Variants in TRERF1 observed in about 807,000 individuals in gnomAD.
TRERF1 encodes transcriptional regulating factor 1.
A neutral mutation model predicts 122.9 loss-of-function variants in TRERF1; 27 were observed. The ratio of observed to expected loss-of-function variants is 0.22; its 90% CI spans 0.16 to 0.30. The LOEUF (loss-of-function observed/expected upper bound fraction) is 0.30. TRERF1 is among the 10% of genes least tolerant of loss of function. The probability of loss-of-function intolerance (pLI) is 1.00; values close to 1 mark genes in which losing one functional copy is unlikely to be tolerated. For missense variants in TRERF1, 1,248 were observed against 1,560.3 expected (o/e 0.80, Z 3.37); for synonymous variants, 636 against 641.7 (o/e 0.99, Z 0.13).
intron 2 of TRERF1, among the ~76,000 whole-genome samples, chr6:42,449,190 T>G (rs1289639279): frequency 6.6e-6 from 1 of 152,244 alleles, no homozygotes; most frequent in East Asian, 1.9e-4. Flanking sequence ...CTTACCAAGC[T>G]GTGAAAAGAC....
At chr6:42,364,976 G>C (rs921170977) in intron 2 of TRERF1, among the ~76,000 whole-genome samples, 1 of 152,152 alleles carries the variant, frequency 6.6e-6, no homozygotes. Flanking sequence ...CTTTCTCTGA[G>C]TGCAAGGAAA....
chr6:42,333,647 C>T (rs1184926659), intron 3 of TRERF1, among the ~76,000 whole-genome samples: 5 of 152,206 alleles, frequency 3.3e-5, no homozygotes. Context: ...GGGACTGCCC[C>T]CCATTCCAAC....
intron 2 of TRERF1, among the ~76,000 whole-genome samples, chr6:42,372,800 C>T (rs922069709): frequency 2.0e-5 from 3 of 152,174 alleles, no homozygotes; most frequent in African/African-American, 7.2e-5. Context: ...AGTAGGAAGA[C>T]CATCCCAAGC....
In TRERF1 at chr6:42,268,201, T is replaced by C. The variant is rs747623350; in HGVS notation, c.1390A>G (p.Met464Val). ...GACAGCTGCTGATGCTGAGGCCCCATGTTGTTGAGGTGGATCCCACTGGGG... is the reference window on the plus strand; with the variant it reads ...GACAGCTGCTGATGCTGAGGCCCCACGTTGTTGAGGTGGATCCCACTGGGG... The change falls in exon 5 of 18, where the codon ATG becomes GTG. Residue 464 changes from methionine to valine, a missense_variant. Met to Val is a conservative substitution (Grantham distance 21). This residue lies in a region of TRERF1 where 946 missense variants were observed against 1,073.0 expected (regional missense o/e 0.88). Coordinates refer to ENST00000372922, the Ensembl canonical transcript of TRERF1. The surrounding 1 kb of genome is among the most constrained non-coding windows in gnomAD (Gnocchi z 4.4). 1.1e-5 allele frequency: 16 copies of C among 1,463,208 alleles called. 1 individual carries two copies. Among genetic ancestry groups the C allele is most frequent in the Admixed American group, 2.5e-5 (1 of 39,408 alleles). 90.6% of individuals were successfully genotyped at this position (1,463,208 alleles called of 1,614,324 possible).
At chr6:42,292,572 C>G (rs562705578) in intron 4 of TRERF1, among the ~76,000 whole-genome samples, 55 of 152,096 alleles carry the variant, frequency 3.6e-4, no homozygotes, top group African/African-American at 9.9e-4. Flanking sequence ...GAGAGAGAGG[C>G]CTACAAGTCT....
At chr6:42,305,920 G>A (rs1787123972) in intron 3 of TRERF1, among the ~76,000 whole-genome samples, 1 of 150,074 alleles carries the variant, frequency 6.7e-6, no homozygotes, top group African/African-American at 2.4e-5. Context: ...GCCAGAAGGA[G>A]ATGTAATTTT....
In TRERF1 at chr6:42,259,593, T is replaced by C. The variant is rs752427096; in HGVS notation, c.2015A>G (p.Asn672Ser). 3 of 1,613,412 alleles carry C rather than the reference T, an allele frequency of 1.9e-6. No individual in the cohort carries two copies. Among genetic ancestry groups the C allele is most frequent in the South Asian group, 1.1e-5 (1 of 91,054 alleles). Reference sequence around the variant, plus strand: ...GGCGCCCGAGTAGGAGGCAGCGGGGTTCGGGTTGTAGGAGGGCGGCGGCGG... The same window carrying C: ...GGCGCCCGAGTAGGAGGCAGCGGGGCTCGGGTTGTAGGAGGGCGGCGGCGG... The change falls in exon 9 of 18, where the codon AAC (asparagine) becomes AGC (serine). Residue 672 changes from asparagine (N) to serine (S), a missense_variant. This residue lies in a region of TRERF1 where 946 missense variants were observed against 1,073.0 expected (regional missense o/e 0.88). Transcript: ENST00000372922. The surrounding 1 kb of genome is among the most constrained non-coding windows in gnomAD (Gnocchi z 4.9).
intron 2 of TRERF1, among the ~76,000 whole-genome samples, chr6:42,439,515 C>T (rs1202834149): frequency 2.0e-5 from 3 of 152,220 alleles, no homozygotes; most frequent in South Asian, 2.1e-4. Context: ...ACCTGGGAGG[C>T]GGAGGTTGCA....
chr6:42,244,753 G>A (rs1774437222), intron 14 of TRERF1, among the ~76,000 whole-genome samples: 1 of 152,200 alleles, frequency 6.6e-6, no homozygotes, highest in African/African-American at 2.4e-5. Flanking sequence ...TAATGGAATA[G>A]GAATATAAGG....
intron 3 of TRERF1, among the ~76,000 whole-genome samples, chr6:42,358,530 G>A (rs1771041837): frequency 6.6e-6 from 1 of 152,238 alleles, no homozygotes; most frequent in Admixed American, 6.5e-5. Context: ...CAAATGCGGG[G>A]CAGTGCCCAC....
intron 13 of TRERF1, among the ~76,000 whole-genome samples, chr6:42,248,794 G>A (rs909544569): frequency 6.6e-6 from 1 of 152,184 alleles, no homozygotes; most frequent in Non-Finnish European, 1.5e-5. Context: ...GGGGGGCTGG[G>A]GGTTTGGAGA....
At chr6:42,233,057 A>AT in intron 16 of TRERF1, 129 bp from the exon 17 acceptor site, 1 of 967,676 alleles carries the variant, frequency 1.0e-6, no homozygotes, top group Non-Finnish European at 1.5e-6. Context: ...TAAAGATCAA[A>AT]TACCACAACC....
rs1485217968 is a variant in TRERF1, at chr6:42,228,419, C to T, written c.3529G>A (p.Ala1177Thr). Residue 1177 changes from alanine (A) to threonine (T), a missense_variant, in exon 18 of 18, where the codon GCT becomes ACT. This residue lies in a region of TRERF1 where 84 missense variants were observed against 116.0 expected (regional missense o/e 0.72). Transcript: ENST00000372922. The surrounding 1 kb of genome is among the most constrained non-coding windows in gnomAD (Gnocchi z 4.2). ...AGAAGATCGGTGTCCACAACTTCAG[C>T]CTCTTCCATGACACCTCCCAACTGC... 1.9e-6 allele frequency: 3 copies of T among 1,614,206 alleles called. No homozygotes were observed. The highest frequency in any genetic ancestry group is 1.1e-5 in the South Asian group (1 of 91,088).
At position 42,260,614 on chromosome 6, in the gene TRERF1, T is replaced by C. The variant is rs533824157; in HGVS notation, c.1885-891A>G. Among the ~76,000 whole-genome samples the C allele has an allele frequency of 1.1e-3, 167 of 152,066 alleles. 1 individual carries two copies. The highest frequency in any genetic ancestry group is 3.8e-3 in the African/African-American group (156 of 41,478). On this transcript the variant is annotated intron_variant, in intron 8 of 17. Transcript: ENST00000372922. ...GGGTGTGGCTGCAGAGGCAGTGTGGTTGGGAGGGGCCACGGGGATACCTGA... is the reference window on the plus strand; with the variant it reads ...GGGTGTGGCTGCAGAGGCAGTGTGGCTGGGAGGGGCCACGGGGATACCTGA...
At chr6:42,424,793 G>T (rs1044302536) in intron 2 of TRERF1, among the ~76,000 whole-genome samples, 2 of 152,192 alleles carry the variant, frequency 1.3e-5, no homozygotes, top group Admixed American at 6.5e-5. Context: ...CATAAAAAGA[G>T]ATCCTCTCCC....
chr6:42,399,285 A>G (rs942835832), intron 2 of TRERF1, among the ~76,000 whole-genome samples: 6 of 152,206 alleles, frequency 3.9e-5, no homozygotes, highest in African/African-American at 1.2e-4. Context: ...TAGTCAAATT[A>G]TAGTAATGAG....
chr6:42,243,295 C>T (rs1163293104), exon 15 of TRERF1: 1 of 1,614,068 alleles, frequency 6.2e-7, no homozygotes, highest in Non-Finnish European at 8.5e-7. Context: ...TGTTTCCGCC[C>T]CAGCCGCATG....
chr6:42,290,740 C>T (rs12199356), intron 4 of TRERF1, among the ~76,000 whole-genome samples: 14,265 of 118,596 alleles, frequency 0.12, 1,290 homozygotes, highest in East Asian at 0.37. Flanking sequence ...CCATTTCTTT[C>T]CTTTTTTTTT....
rs1554124320 is a variant in TRERF1 at position 42,238,870 on chromosome 6, C to CACACAA, written c.2860-2460_2860-2459insTTGTGT. Among the ~76,000 whole-genome samples, 1,479 of 148,932 alleles carry CACACAA rather than the reference C, an allele frequency of 9.9e-3. 24 individuals carry two copies. Among genetic ancestry groups the CACACAA allele is most frequent in the East Asian group, 0.068 (350 of 5,130 alleles). ...ACACACACACACACACACACACACACAATTTCTAGTTCTCATAACACTGTA... is the reference window on the plus strand; with the variant it reads ...ACACACACACACACACACACACACACACACAAAATTTCTAGTTCTCATAACACTGTA... On this transcript the variant is annotated intron_variant, in intron 15 of 17. Coordinates refer to ENST00000372922, the Ensembl canonical transcript of TRERF1.
Sources: allele counts gnomAD v4.1 joint callset (sites outside exome capture counted in the v4.1 genomes callset), GRCh38; gene constraint gnomAD v4.1.1; regional missense constraint gnomAD v4.1.1; non-coding constraint Gnocchi (gnomAD v3.1); transcripts MANE v1.5; gene names NCBI Gene and HGNC (gene_info 2026-07-23, HGNC 2026-07-21).